The following MTR variants were observed in gnomAD, a reference collection of about 807,000 sequenced individuals.
MTR encodes the protein methionine synthase.
A neutral mutation model predicts 154.8 loss-of-function variants in MTR; 84 were observed. That is an observed-to-expected ratio of 0.54 (90% CI 0.45 to 0.65). The LOEUF (loss-of-function observed/expected upper bound fraction) is 0.65. Ranked by LOEUF, MTR falls within the 30% of genes least tolerant of loss-of-function variation. The pLI, the probability that MTR is intolerant of heterozygous loss-of-function variation, is 0.00. For missense variants in MTR, 1,275 were observed against 1,570.2 expected (o/e 0.81, Z 3.18); for synonymous variants, 554 against 553.9 (o/e 1.00, Z 0.00).
intron 8 of MTR, among the ~76,000 whole-genome samples, chr1:236,820,700 G>T (rs1661883548): frequency 6.6e-6 from 1 of 151,952 alleles, no homozygotes; most frequent in Non-Finnish European, 1.5e-5. Flanking sequence ...CTTATGGTAA[G>T]ACTGTGTATC....
chr1:236,866,058 G>A (rs1664805263), intron 22 of MTR, among the ~76,000 whole-genome samples: 1 of 152,108 alleles, frequency 6.6e-6, no homozygotes, highest in African/African-American at 2.4e-5. Flanking sequence ...TTTGACTTGA[G>A]TTGTAAACAA....
chr1:236,833,182 T>C (rs978711900), intron 13 of MTR, among the ~76,000 whole-genome samples: 6 of 152,210 alleles, frequency 3.9e-5, no homozygotes, highest in Admixed American at 3.9e-4. Flanking sequence ...TGCTTCCTTC[T>C]GAAGTGCCAG....
rs1311299144 is a variant in MTR, at chr1:236,889,572, A to C, written c.3007+236A>C. Among the ~76,000 whole-genome samples the C allele has an allele frequency of 4.6e-5, 7 of 152,338 alleles. No individual in the cohort carries two copies. In the East Asian group the frequency reaches 1.3e-3, roughly 29 times the overall value. On this transcript the variant is annotated intron_variant, in intron 28 of 32. Transcript: ENST00000366577. ...CAATAAATGTTTATTGACATCAGTT[A>C]CATGCTGAGCACTAGGGATAAATGG...
chr1:236,897,311 C>CGCGCGCGCGCGCGT (rs1553331090), intron 32 of MTR, among the ~76,000 whole-genome samples, 193 bp downstream of exon 32: 1 of 103,302 alleles, frequency 9.7e-6, no homozygotes, highest in Non-Finnish European at 1.9e-5. Flanking sequence ...CACACACACG[C>CGCGCGCGCGCGCGT]ACACACACAC....
Position 236,853,041 on chromosome 1 carries a change from T to C in MTR, c.1906T>C (p.Trp636Arg), listed in dbSNP as rs757855026. ...ELLQLCEDLIWNKDPEATEKL... is the reference protein window; with the variant it reads ...ELLQLCEDLIRNKDPEATEKL... ...TCTGCAGCTCTGTGAAGATCTCATC[T>C]GGAATAAAGACCCTGAGGCCACTGA... Residue 636 changes from tryptophan (W) to arginine (R), a missense_variant, in exon 18 of 33, where the codon TGG becomes CGG. Physicochemically the swap from Trp to Arg is moderately radical, Grantham distance 101. Transcript: ENST00000366577. 6.2e-7 allele frequency: 1 copy of C among 1,613,976 alleles called. No individual in the cohort carries two copies. Among genetic ancestry groups the C allele is most frequent in the Admixed American group, 1.7e-5 (1 of 60,000 alleles).
chr1:236,817,454 A>G, intron 8 of MTR, among the ~76,000 whole-genome samples: 1 of 152,180 alleles, frequency 6.6e-6, no homozygotes. Context: ...TTTTGCCATA[A>G]AAAGTAAGAG....
chr1:236,839,998 C>G (rs1663137661), intron 15 of MTR, among the ~76,000 whole-genome samples: 1 of 152,084 alleles, frequency 6.6e-6, no homozygotes, highest in African/African-American at 2.4e-5. Flanking sequence ...TGATGGTTGT[C>G]AACTGGGTGG....
chr1:236,894,176 C>T (rs979065417), intron 29 of MTR, among the ~76,000 whole-genome samples, 181 bp from the exon 30 acceptor site: 15 of 152,174 alleles, frequency 9.9e-5, no homozygotes, highest in Admixed American at 7.2e-4. Flanking sequence ...TTATTGGATA[C>T]TCACTATGTG....
chr1:236,803,072 A>G (rs1211843494), intron 1 of MTR, among the ~76,000 whole-genome samples: 1 of 152,204 alleles, frequency 6.6e-6, no homozygotes, highest in Non-Finnish European at 1.5e-5. Context: ...TCTCTGCTAA[A>G]TCATTTTATT....
Position 236,897,310 on chromosome 1 carries a change from G to GCGCGCGCGCGCACACACA in MTR, c.3711+193_3711+194insGCGCGCGCGCACACACAC. Among the ~76,000 whole-genome samples, 1,088 of 128,662 alleles carry GCGCGCGCGCGCACACACA rather than the reference G, an allele frequency of 8.5e-3. 24 individuals carry two copies. The highest frequency in any genetic ancestry group is 0.046 in the East Asian group (201 of 4,366). 84.4% of individuals were successfully genotyped at this position (128,662 alleles called of 152,430 possible). ...ACTTCTACATGCAAGCCACACACACGCACACACACACACACACACACACAC... is the reference window on the plus strand; with the variant it reads ...ACTTCTACATGCAAGCCACACACACGCGCGCGCGCGCACACACACACACACACACACACACACACACAC... On this transcript the variant is annotated intron_variant, in intron 32 of 32. Transcript: ENST00000366577.
intron 22 of MTR, among the ~76,000 whole-genome samples, chr1:236,870,874 G>A (rs564871649): frequency 6.6e-5 from 10 of 152,190 alleles, no homozygotes; most frequent in Non-Finnish European, 1.0e-4. Context: ...AAACTCTTGC[G>A]TCATCCTCTC....
chr1:236,875,407 A>G (rs576233289), intron 24 of MTR, among the ~76,000 whole-genome samples: 9 of 152,206 alleles, frequency 5.9e-5, no homozygotes, highest in Non-Finnish European at 1.3e-4. Flanking sequence ...ATAAAATGTA[A>G]AGATGAGAAA....
chr1:236,877,905 A>G (rs576198895), intron 24 of MTR, among the ~76,000 whole-genome samples: 15 of 152,336 alleles, frequency 9.8e-5, no homozygotes, highest in Non-Finnish European at 2.1e-4. Context: ...TCATGGGTGT[A>G]GTAATACCTT....
intron 27 of MTR, among the ~76,000 whole-genome samples, chr1:236,887,498 A>G (rs1189604831): frequency 6.6e-6 from 1 of 152,258 alleles, no homozygotes; most frequent in African/African-American, 2.4e-5. Flanking sequence ...TCAAGCTCCG[A>G]TTATTTGCTC....
intron 1 of MTR, among the ~76,000 whole-genome samples, chr1:236,797,208 A>C (rs1484143125): frequency 6.6e-6 from 1 of 152,142 alleles, no homozygotes; most frequent in Non-Finnish European, 1.5e-5. Flanking sequence ...TGTCTATGTG[A>C]GCAACTTTTA....
chr1:236,842,970 T>C (rs1663347918), intron 15 of MTR, among the ~76,000 whole-genome samples: 1 of 150,566 alleles, frequency 6.6e-6, no homozygotes, highest in African/African-American at 2.4e-5. Context: ...CCTGTAATCC[T>C]AGCTACTGGG....
At chr1:236,828,781 T>C (rs933030770) in intron 11 of MTR, among the ~76,000 whole-genome samples, 26 of 151,986 alleles carry the variant, frequency 1.7e-4, no homozygotes. Flanking sequence ...AAAGGTGAAA[T>C]CCTTTTTCTG....
At position 236,846,873 on chromosome 1, in the gene MTR, TTTTTTGTTTTTG is replaced by T. The variant is rs528009538; in HGVS notation, c.1516-3453_1516-3442del. Among the ~76,000 whole-genome samples the T allele has an allele frequency of 2.3e-3, 350 of 152,242 alleles. 2 individuals are homozygous for T. Among genetic ancestry groups the T allele is most frequent in the African/African-American group, 7.9e-3 (330 of 41,540 alleles). On this transcript the variant is annotated intron_variant, in intron 15 of 32. Transcript: ENST00000366577. ...AACATCCGTTTCCATCACTTCTGTT[TTTTTTGTTTTTG>T]TTTTTGTTTTTGTTTTTTTGAGATC...
chr1:236,807,556 T>A (rs1366044893), intron 3 of MTR, among the ~76,000 whole-genome samples: 2 of 152,216 alleles, frequency 1.3e-5, no homozygotes, highest in Non-Finnish European at 2.9e-5. Flanking sequence ...TTTTCTATTT[T>A]TTTAAATAGT....
Sources: gnomAD v4.1 joint callset for allele counts (sites outside exome capture counted in the v4.1 genomes callset) on GRCh38, gnomAD v4.1.1 for gene constraint, MANE v1.5 for transcripts, NCBI Gene and HGNC (gene_info 2026-07-23, HGNC 2026-07-21) for gene names.